HMCN2: variants seen among roughly 807,000 people sequenced by gnomAD.
The protein encoded by HMCN2 is hemicentin-2.
In HMCN2, 325 loss-of-function variants were observed where a neutral mutation model predicts 377.5. That is an observed-to-expected ratio of 0.86 (90% CI 0.79 to 0.94). HMCN2 has a LOEUF of 0.94. HMCN2 is among the 40% of genes least tolerant of loss of function. The pLI is 0.00. For synonymous variants in HMCN2, 2,007 were observed against 2,046.8 expected (o/e 0.98, Z 0.53); for missense variants, 4,543 against 4,725.3 (o/e 0.96, Z 1.13).
intron 15 of HMCN2, among the ~76,000 whole-genome samples, chr9:130,317,067 G>C (rs960295672): frequency 1.3e-5 from 2 of 151,910 alleles, no homozygotes; most frequent in Admixed American, 6.5e-5. Flanking sequence ...CTGGGATTTG[G>C]CTCTCTTGCA....
chr9:130,384,823 T>G, intron 59 of HMCN2, 25 bp downstream of exon 59: 1 of 1,270,912 alleles, frequency 7.9e-7, no homozygotes, highest in Non-Finnish European at 1.0e-6. Context: ...GTCCCCAACT[T>G]GTACTGTCCC....
chr9:130,286,516 C>G (rs1241214655), intron 4 of HMCN2, among the ~76,000 whole-genome samples: 1 of 152,228 alleles, frequency 6.6e-6, no homozygotes, highest in Non-Finnish European at 1.5e-5. Flanking sequence ...TCTTATCTCG[C>G]CAAACCCTTC....
intron 29 of HMCN2, among the ~76,000 whole-genome samples, chr9:130,350,714 G>A (rs572014586): frequency 1.8e-4 from 22 of 123,922 alleles, no homozygotes; most frequent in East Asian, 2.2e-4. Flanking sequence ...GTGAAACCTC[G>A]TCTCTACTAA....
At chr9:130,292,618 A>G (rs1296863990) in intron 4 of HMCN2, among the ~76,000 whole-genome samples, 8 of 152,204 alleles carry the variant, frequency 5.3e-5, no homozygotes, top group African/African-American at 1.9e-4. Context: ...TTTGAGTATC[A>G]TTATGTGCAC....
In HMCN2 at chr9:130,369,570, T is replaced by C. The variant is rs1054733135; in HGVS notation, c.6788T>C (p.Val2263Ala). ...ATGGGCTTTCTCCCCACCCCAACAG[T>C]TCCCCCTCAGATTGCCGGTCCCCGG... Reference protein sequence around the residue: ...SSQDLQLEVHVPPQIAGPREP... With the variant: ...SSQDLQLEVHAPPQIAGPREP... The change falls in exon 45 of 98, where the codon GTT becomes GCT. Residue 2263 changes from valine to alanine, a missense_variant and splice_region_variant. Physicochemically the swap from Val to Ala is moderately conservative, Grantham distance 64. Around this residue, in one of 5 missense-constraint regions of HMCN2, gnomAD observed 1,032 missense variants for 1,285.1 expected, o/e 0.80. Coordinates refer to ENST00000683500, the MANE Select transcript of HMCN2 (RefSeq NM_001291815.2). The surrounding 1 kb of genome is among the most constrained non-coding windows in gnomAD (Gnocchi z 4.5). 5.1e-6 allele frequency: 5 copies of C among 985,572 alleles called. No homozygotes were observed. The highest frequency in any genetic ancestry group is 6.0e-6 in the Non-Finnish European group (5 of 829,902). 61.1% of individuals were successfully genotyped at this position (985,572 alleles called of 1,614,324 possible).
chr9:130,278,315 G>A (rs1402691019), intron 1 of HMCN2, among the ~76,000 whole-genome samples: 3 of 151,898 alleles, frequency 2.0e-5, no homozygotes, highest in Non-Finnish European at 4.4e-5. Context: ...TAGTAGAGAC[G>A]GGGTTTCACC....
rs1554931384 is a variant in HMCN2, at chr9:130,294,894, G to T, written c.652G>T (p.Val218Leu). 2 of 468,260 alleles carry T rather than the reference G, an allele frequency of 4.3e-6. No individual in the cohort carries two copies. Among genetic ancestry groups the T allele is most frequent in the Admixed American group, 2.4e-5 (1 of 42,238 alleles). The allele number at this position is 468,260 out of a possible 1,614,324, so 29.0% of individuals were successfully genotyped here. A position where few individuals can be genotyped will look rare whatever the true frequency, so the allele number is the denominator to read the frequency against. Residue 218 changes from valine (V) to leucine (L), a missense_variant, in exon 5 of 98, where the codon GTG (valine) becomes TTG (leucine). Coordinates refer to ENST00000683500, the MANE Select transcript of HMCN2 (RefSeq NM_001291815.2). ...GGAGTCAGCGATCCAGGCCTCCAAG[G>T]TGCACCTGCTGTCCACAGACCACGA... ...WVESAIQASK[V>L]HLLSTDHEEE... is the part of the protein sequence containing the mutation.
At chr9:130,357,655 T>C (rs547551641) in intron 34 of HMCN2, among the ~76,000 whole-genome samples, 179 bp from the exon 35 acceptor site, 3 of 152,256 alleles carry the variant, frequency 2.0e-5, no homozygotes, top group African/African-American at 7.2e-5. Context: ...GCTCCCAGTC[T>C]AGAGCTCTTT....
intron 84 of HMCN2, among the ~76,000 whole-genome samples, chr9:130,409,319 C>T (rs1172831309): frequency 6.6e-6 from 1 of 152,184 alleles, no homozygotes; most frequent in Non-Finnish European, 1.5e-5. Context: ...CACTGAAGTT[C>T]AGAGAGGCCC....
intron 1 of HMCN2, among the ~76,000 whole-genome samples, chr9:130,279,716 G>T (rs1554924985): frequency 1.3e-5 from 2 of 152,202 alleles, no homozygotes. Context: ...GTTGATTCTT[G>T]CTGAAGACCA....
intron 15 of HMCN2, among the ~76,000 whole-genome samples, chr9:130,318,592 T>C (rs1294688425): frequency 2.0e-5 from 3 of 152,152 alleles, no homozygotes; most frequent in Admixed American, 2.0e-4. Context: ...CTATTAACAG[T>C]GGTTACCTTA....
At chr9:130,274,107 C>T (rs556707778) in intron 1 of HMCN2, among the ~76,000 whole-genome samples, 2 of 150,878 alleles carry the variant, frequency 1.3e-5, no homozygotes, top group Non-Finnish European at 2.9e-5. Flanking sequence ...GGCTGGAGTG[C>T]AGTGGTGTGA....
At chr9:130,350,848 G>A (rs986997739) in intron 29 of HMCN2, among the ~76,000 whole-genome samples, 14 of 151,756 alleles carry the variant, frequency 9.2e-5, no homozygotes, top group African/African-American at 3.2e-4. Flanking sequence ...GGAGGTTGCA[G>A]TGAGCCATCG....
intron 23 of HMCN2, chr9:130,338,375 A>G (rs878884092): frequency 0.31 from 46,606 of 152,192 alleles, 7,893 homozygotes; most frequent in African/African-American, 0.46. Flanking sequence ...TCTGCCTGGT[A>G]CGCGAGGCCC....
rs1004248838 is a variant in HMCN2 at position 130,414,365 on chromosome 9, C to T, written c.12961+3713C>T. ...TGTTCCGGGCTGACCATGGAAGCCT[C>T]ATAGGGAACCTGGGCTTCCACGCTG... On this transcript the variant is annotated intron_variant, in intron 85 of 97. Coordinates refer to ENST00000683500, the MANE Select transcript of HMCN2 (RefSeq NM_001291815.2). This position sits in a 1 kb window ranked among gnomAD's most constrained non-coding sequence, Gnocchi z 4.4. Among the ~76,000 whole-genome samples, 1 of 152,238 alleles carries T rather than the reference C, an allele frequency of 6.6e-6. No individual in the cohort carries two copies. The highest frequency in any genetic ancestry group is 2.1e-4 in the South Asian group (1 of 4,834).
intron 87 of HMCN2, 141 bp from the exon 88 acceptor site, chr9:130,424,631 TGGCA>T: frequency 1.4e-6 from 1 of 717,612 alleles, no homozygotes; most frequent in Non-Finnish European, 2.0e-6. Flanking sequence ...ATAATTGGCA[TGGCA>T]GTCACAAGGC....
At position 130,398,719 on chromosome 9, in the gene HMCN2, G is replaced by T. The variant is rs1454675286; in HGVS notation, c.11483+12G>T. 16 of 1,288,194 alleles carry T rather than the reference G, an allele frequency of 1.2e-5. No individual in the cohort carries two copies. The highest frequency in any genetic ancestry group is 1.6e-5 in the Non-Finnish European group (16 of 987,824). The allele number at this position is 1,288,194 out of a possible 1,614,324, so 79.8% of individuals were successfully genotyped here. A position where few individuals can be genotyped will look rare whatever the true frequency, so the allele number is the denominator to read the frequency against. Reference sequence around the variant, plus strand: ...CAGGGCGCCTACCGGTAACGAGCTGGACTTTGCGGTGGCTTCCTGAGACGC... The same window carrying T: ...CAGGGCGCCTACCGGTAACGAGCTGTACTTTGCGGTGGCTTCCTGAGACGC... On this transcript the variant is annotated intron_variant, in intron 75 of 97. Transcript: ENST00000683500.
intron 85 of HMCN2, among the ~76,000 whole-genome samples, chr9:130,416,745 G>C (rs1484113332): frequency 6.6e-6 from 1 of 152,106 alleles, no homozygotes; most frequent in Non-Finnish European, 1.5e-5. Context: ...ACTGGCTGTG[G>C]TAGTATCTGA....
intron 15 of HMCN2, among the ~76,000 whole-genome samples, chr9:130,317,982 G>A (rs1410499916): frequency 6.6e-6 from 1 of 152,034 alleles, no homozygotes; most frequent in Non-Finnish European, 1.5e-5. Flanking sequence ...GTGGTGTTCT[G>A]CTCCAGGTAG....
Sources: allele counts gnomAD v4.1 joint callset (sites outside exome capture counted in the v4.1 genomes callset), GRCh38; gene constraint gnomAD v4.1.1; regional missense constraint gnomAD v4.1.1; non-coding constraint Gnocchi (gnomAD v3.1); transcripts MANE v1.5; gene names NCBI Gene and HGNC (gene_info 2026-07-23, HGNC 2026-07-21).